PXDNL: variants seen among roughly 807,000 people sequenced by gnomAD.
PXDNL encodes probable oxidoreductase PXDNL.
In PXDNL, 145 loss-of-function variants were observed where a neutral mutation model predicts 150.8. That is an observed-to-expected ratio of 0.96 (90% CI 0.84 to 1.10). The LOEUF (loss-of-function observed/expected upper bound fraction) is 1.10. Among genes scored for constraint, PXDNL ranks in the 50% least tolerant of loss-of-function variants. The probability of loss-of-function intolerance (pLI) is 0.00; values close to 1 mark genes in which losing one functional copy is unlikely to be tolerated. For missense variants in PXDNL, 2,087 were observed against 1,873.9 expected (o/e 1.11, Z -2.10); for synonymous variants, 757 against 725.7 (o/e 1.04, Z -0.69).
rs543712249 is a variant in PXDNL, at chr8:51,773,089, G to C, written c.164+36092C>G. On this transcript the variant is annotated intron_variant, in intron 1 of 22. Coordinates refer to ENST00000356297, the MANE Select transcript of PXDNL (RefSeq NM_144651.5). ...TAAAGAGGGTCAGAAATAGCAGGAT[G>C]ATAATAGGATGAACTATGGATATAT... is the stretch of plus-strand genomic sequence containing the variant. Among the ~76,000 whole-genome samples, 3 of 152,368 alleles carry C rather than the reference G, an allele frequency of 2.0e-5. No homozygotes were observed. The East Asian group carries it at 5.8e-4, about 29-fold the overall frequency.
At chr8:51,488,819 C>A (rs551687503) in intron 5 of PXDNL, among the ~76,000 whole-genome samples, 22 of 152,138 alleles carry the variant, frequency 1.4e-4, no homozygotes, top group Non-Finnish European at 2.4e-4. Flanking sequence ...AAAAGAAAGG[C>A]CAAGATTTTC....
At position 51,634,287 on chromosome 8, in the gene PXDNL, T is replaced by C. The variant is rs537460812; in HGVS notation, c.236+20402A>G. ...TTGGCTTTTTCAAAGATCAGTTGGC[T>C]GTAGGTGTGAAGCTTTCTTTCTGGG... is the stretch of plus-strand genomic sequence containing the variant. On this transcript the variant is annotated intron_variant, in intron 2 of 22. Coordinates refer to ENST00000356297, the MANE Select transcript of PXDNL (RefSeq NM_144651.5). 1.4e-4 allele frequency among the ~76,000 whole-genome samples: 22 copies of C among 152,246 alleles called. 1 individual carries two copies. The South Asian group carries it at 3.1e-3, about 22-fold the overall frequency.
chr8:51,477,247 T>C (rs1488010045), intron 6 of PXDNL, among the ~76,000 whole-genome samples: 1 of 152,254 alleles, frequency 6.6e-6, no homozygotes, highest in Non-Finnish European at 1.5e-5. Context: ...CTGAAAATGA[T>C]AGCTATGTTT....
At chr8:51,608,836 CAAAAAAAAAAAAA>C (rs59195880) in intron 2 of PXDNL, among the ~76,000 whole-genome samples, 1 of 59,596 alleles carries the variant, frequency 1.7e-5, no homozygotes, top group Non-Finnish European at 3.3e-5. Flanking sequence ...GACTCTGTCT[CAAAAAAAAAAAAA>C]AAAAAAAAAA....
rs769579619 is a variant in PXDNL, at chr8:51,339,661, G to A, written c.4109C>T (p.Ala1370Val). Residue 1370 changes from alanine to valine, a missense_variant, in exon 21 of 23, where the codon GCG becomes GTG. Physicochemically the swap from Ala to Val is moderately conservative, Grantham distance 64. Coordinates refer to ENST00000356297, the MANE Select transcript of PXDNL (RefSeq NM_144651.5). Reference protein sequence around the residue: ...KFSQDFSTFAAEIQETITALR... With the variant: ...KFSQDFSTFAVEIQETITALR... ...TGCTGTGATGGTTTCCTGAATTTCC[G>A]CTGCAAACGTGCTGAAATCTTGGGA... 1.2e-5 allele frequency: 20 copies of A among 1,613,492 alleles called. No homozygotes were observed. The highest frequency in any genetic ancestry group is 5.0e-5 in the Admixed American group (3 of 59,942).
At chr8:51,424,162 A>C (rs1321378278) in intron 13 of PXDNL, among the ~76,000 whole-genome samples, 1 of 152,114 alleles carries the variant, frequency 6.6e-6, no homozygotes, top group African/African-American at 2.4e-5. Context: ...CAGGAGTTCA[A>C]GACCAGCCTG....
At chr8:51,524,853 T>C (rs1200640746) in intron 4 of PXDNL, among the ~76,000 whole-genome samples, 1 of 152,202 alleles carries the variant, frequency 6.6e-6, no homozygotes, top group Non-Finnish European at 1.5e-5. Flanking sequence ...TTGGGAGTTT[T>C]CCAACCCAAT....
chr8:51,631,990 C>CTTCTGTCA (rs944478429), intron 2 of PXDNL, among the ~76,000 whole-genome samples: 1 of 152,050 alleles, frequency 6.6e-6, no homozygotes, highest in Admixed American at 6.6e-5. Flanking sequence ...GAAGTAAGTC[C>CTTCTGTCA]TTTCTTACCA....
chr8:51,657,348 C>G (rs1416702192), intron 1 of PXDNL, among the ~76,000 whole-genome samples: 1 of 152,078 alleles, frequency 6.6e-6, no homozygotes, highest in Non-Finnish European at 1.5e-5. Flanking sequence ...TTTAAATTTA[C>G]AAAAAAGCTA....
chr8:51,786,354 G>A lies in PXDNL; in HGVS notation c.164+22827C>T, dbSNP rs539719579. 2.0e-4 allele frequency among the ~76,000 whole-genome samples: 31 copies of A among 152,118 alleles called. No homozygotes were observed. The East Asian group carries it at 5.0e-3, about 25-fold the overall frequency. ...CTCCCTAGTAGCTGGGACTACAGGC[G>A]CCCGCCACCACCCCCAGGTAATTTT... On this transcript the variant is annotated intron_variant, in intron 1 of 22. Coordinates refer to ENST00000356297, the MANE Select transcript of PXDNL (RefSeq NM_144651.5).
intron 4 of PXDNL, among the ~76,000 whole-genome samples, chr8:51,534,353 G>A (rs1005792967): frequency 7.5e-6 from 1 of 133,716 alleles, no homozygotes; most frequent in African/African-American, 3.3e-5. Context: ...GGAGGGAGGT[G>A]GGGGGGGGTC....
chr8:51,479,018 T>C (rs556298428), intron 6 of PXDNL, among the ~76,000 whole-genome samples: 70 of 152,336 alleles, frequency 4.6e-4, no homozygotes, highest in Non-Finnish European at 8.4e-4. Flanking sequence ...AGTGCATGCA[T>C]GTAAGGTGCA....
At chr8:51,577,991 GAAAGAAAGAGGAAGGA>G (rs1563471139) in intron 3 of PXDNL, among the ~76,000 whole-genome samples, 183 of 55,712 alleles carry the variant, frequency 3.3e-3, no homozygotes, top group Middle Eastern at 0.026. Context: ...AAGAAAGAAA[GAAAGAAAGAGGAAGGA>G]AGGAAGGAAG....
intron 4 of PXDNL, among the ~76,000 whole-genome samples, chr8:51,524,832 G>A (rs1811734596): frequency 6.6e-6 from 1 of 152,158 alleles, no homozygotes; most frequent in Non-Finnish European, 1.5e-5. Context: ...CAATTTCAGA[G>A]GAAATTGCTC....
intron 9 of PXDNL, among the ~76,000 whole-genome samples, chr8:51,455,781 C>T (rs1809926546): frequency 2.0e-5 from 3 of 152,102 alleles, no homozygotes; most frequent in South Asian, 2.1e-4. Flanking sequence ...AATCCCAGCA[C>T]TTTGGGAGGC....
intron 1 of PXDNL, among the ~76,000 whole-genome samples, chr8:51,727,250 C>T (rs954570091): frequency 6.6e-6 from 1 of 152,132 alleles, no homozygotes; most frequent in African/African-American, 2.4e-5. Context: ...AAGAGCATGG[C>T]ATTTTGTTTT....
intron 13 of PXDNL, among the ~76,000 whole-genome samples, chr8:51,425,808 C>A (rs1031531997): frequency 6.6e-6 from 1 of 150,596 alleles, no homozygotes; most frequent in Non-Finnish European, 1.5e-5. Context: ...GGCGACAAAG[C>A]GAGACTCCGT....
chr8:51,766,738 T>G (rs963892110), intron 1 of PXDNL, among the ~76,000 whole-genome samples: 2 of 149,032 alleles, frequency 1.3e-5, no homozygotes, highest in African/African-American at 4.9e-5. Context: ...GATGCATCTT[T>G]TTTTTAAAAA....
At chr8:51,450,932 C>A (rs1230239444) in intron 10 of PXDNL, among the ~76,000 whole-genome samples, 1 of 151,964 alleles carries the variant, frequency 6.6e-6, no homozygotes, top group Non-Finnish European at 1.5e-5. Flanking sequence ...CACTAACTCC[C>A]AAAATTACTA....
Sources: allele counts gnomAD v4.1 joint callset (sites outside exome capture counted in the v4.1 genomes callset), GRCh38; gene constraint gnomAD v4.1.1; transcripts MANE v1.5; gene names NCBI Gene and HGNC (gene_info 2026-07-23, HGNC 2026-07-21).